Variants in ZNF813 observed in about 807,000 individuals in gnomAD.
The protein encoded by ZNF813 is zinc finger protein 813.
A neutral mutation model predicts 7.2 loss-of-function variants in ZNF813; 3 were observed. The ratio of observed to expected loss-of-function variants is 0.42; its 90% confidence interval spans 0.19 to 1.08. The LOEUF (loss-of-function observed/expected upper bound fraction) is 1.08. Ranked by LOEUF, ZNF813 falls within the 50% of genes least tolerant of loss-of-function variation. The pLI is 0.30. For missense variants in ZNF813, 714 were observed against 753.3 expected (o/e 0.95, Z 0.61); for synonymous variants, 227 against 256.3 (o/e 0.89, Z 1.09).
chr19:53,478,913 G>A (rs1001189766), intron 1 of ZNF813, among the ~76,000 whole-genome samples: 6 of 148,124 alleles, frequency 4.1e-5, no homozygotes, highest in Non-Finnish European at 7.4e-5. Context: ...TTCAGTTTGA[G>A]ATAAATTGTA....
intron 3 of ZNF813, 86 bp from the exon 4 acceptor site, chr19:53,490,289 A>T: frequency 7.4e-7 from 1 of 1,354,638 alleles, no homozygotes; most frequent in Non-Finnish European, 9.7e-7. Context: ...GTTTAAAATG[A>T]GTATTTTTTG....
At position 53,490,951 on chromosome 19, in the gene ZNF813, A is replaced by G. The variant is rs1163155092; in HGVS notation, c.719A>G (p.Glu240Gly). 1 of 1,614,202 alleles carries G rather than the reference A, an allele frequency of 6.2e-7. No homozygotes were observed. The highest frequency in any genetic ancestry group is 1.1e-5 in the South Asian group (1 of 91,078). ...AAACATCAAATAATCCATTTAGGAG[A>G]GAAACAATATAAATGTGATGTATGT... is the stretch of plus-strand genomic sequence containing the variant. ...LRKHQIIHLGEKQYKCDVCGK... is the reference protein window; with the variant it reads ...LRKHQIIHLGGKQYKCDVCGK... Residue 240 changes from glutamate (E) to glycine (G), a missense_variant, in exon 4 of 4, where the codon GAG becomes GGG. Coordinates refer to ENST00000396403, the MANE Select transcript of ZNF813 (RefSeq NM_001004301.4).
rs2708837 is a variant in ZNF813, at chr19:53,494,148, G to A, written c.*2062G>A. ...AATAAGTGGCACTTGAGTATCTACA[G>A]TCCTTTTTACATCCTCTTGAATACA... On this transcript the variant is annotated 3_prime_UTR_variant, in exon 4 of 4. Coordinates refer to ENST00000396403, the MANE Select transcript of ZNF813 (RefSeq NM_001004301.4). 0.5 allele frequency: 76,065 copies of A among 152,058 alleles called. 20,153 individuals carry two copies. The highest frequency in any genetic ancestry group is 0.67 in the African/African-American group (27,938 of 41,486). 9.4% of individuals were successfully genotyped at this position (152,058 alleles called of 1,614,324 possible).
At chr19:53,484,060 G>A (rs2086421750) in intron 2 of ZNF813, among the ~76,000 whole-genome samples, 1 of 152,048 alleles carries the variant, frequency 6.6e-6, no homozygotes, top group Admixed American at 6.6e-5. Context: ...CCTGGGAAGG[G>A]CTCACACCCA....
chr19:53,477,317 C>T (rs1004087281), intron 1 of ZNF813, among the ~76,000 whole-genome samples: 10 of 152,096 alleles, frequency 6.6e-5, no homozygotes, highest in African/African-American at 2.2e-4. Context: ...CCTTTCTGAA[C>T]GCTTGCAGAT....
chr19:53,482,712 GTTTTTTTTTTTTTTTTT>G (rs869250512), intron 1 of ZNF813, among the ~76,000 whole-genome samples: 1 of 89,090 alleles, frequency 1.1e-5, no homozygotes, highest in Non-Finnish European at 2.1e-5. Flanking sequence ...AATGCTTTTT[GTTTTTTTTTTTTTTTTT>G]TTTTTTTTTT....
At chr19:53,486,362 G>A (rs987292177) in intron 2 of ZNF813, among the ~76,000 whole-genome samples, 1 of 151,542 alleles carries the variant, frequency 6.6e-6, no homozygotes, top group African/African-American at 2.4e-5. Context: ...CAGGAGAATC[G>A]CTTGATCCTG....
intron 2 of ZNF813, among the ~76,000 whole-genome samples, chr19:53,484,058 G>A (rs923405292): frequency 3.3e-5 from 5 of 152,074 alleles, no homozygotes; most frequent in Admixed American, 2.0e-4. Context: ...GTCCTGGGAA[G>A]GGCTCACACC....
intron 3 of ZNF813, chr19:53,488,315 G>T (rs1217799469): frequency 2.2e-6 from 1 of 445,792 alleles, no homozygotes; most frequent in African/African-American, 2.0e-5. Context: ...GAACCACCGC[G>T]CCCTGCCTGT....
intron 3 of ZNF813, among the ~76,000 whole-genome samples, chr19:53,487,680 C>T (rs1387632283): frequency 2.0e-5 from 3 of 151,962 alleles, no homozygotes; most frequent in Admixed American, 2.0e-4. Flanking sequence ...CATCTGTAAG[C>T]CCTGCTACTC....
At chr19:53,478,697 A>T (rs2086392912) in intron 1 of ZNF813, among the ~76,000 whole-genome samples, 1 of 152,132 alleles carries the variant, frequency 6.6e-6, no homozygotes, top group African/African-American at 2.4e-5. Context: ...AGAATCGCTT[A>T]AACCTGGGAG....
chr19:53,490,327 T>C (rs200005527), intron 3 of ZNF813, 48 bp from the exon 4 acceptor site: 2 of 1,579,954 alleles, frequency 1.3e-6, no homozygotes, highest in Admixed American at 3.7e-5. Flanking sequence ...TCAGTATTAT[T>C]TACCATCTGT....
chr19:53,487,109 A>G (rs1232081983), intron 3 of ZNF813, among the ~76,000 whole-genome samples: 3 of 151,668 alleles, frequency 2.0e-5, no homozygotes, highest in Non-Finnish European at 2.9e-5. Flanking sequence ...CAACCCCCAT[A>G]ACTAATTATT....
At chr19:53,476,944 A>G (rs369104588) in intron 1 of ZNF813, among the ~76,000 whole-genome samples, 16 of 152,172 alleles carry the variant, frequency 1.1e-4, no homozygotes, top group East Asian at 3.9e-4. Context: ...TTACAGGCAT[A>G]AGCCACCGCG....
chr19:53,490,986 T>C lies in ZNF813; in HGVS notation c.754T>C (p.Phe252Leu). The C allele has an allele frequency of 1.2e-6, 2 of 1,614,202 alleles. No individual in the cohort carries two copies. The highest frequency in any genetic ancestry group is 1.7e-6 in the Non-Finnish European group (2 of 1,180,034). The part of the protein sequence containing the change: ...QYKCDVCGKV[F>L]NRKRNLVCHR... Reference sequence around the variant, plus strand: ...TAAATGTGATGTATGTGGCAAGGTCTTTAATCGGAAGCGAAACCTAGTGTG... The same window carrying C: ...TAAATGTGATGTATGTGGCAAGGTCCTTAATCGGAAGCGAAACCTAGTGTG... Residue 252 changes from phenylalanine to leucine, a missense_variant, in exon 4 of 4, where the codon TTT becomes CTT. Phe to Leu is a conservative substitution (Grantham distance 22). Coordinates refer to ENST00000396403, the MANE Select transcript of ZNF813 (RefSeq NM_001004301.4).
In ZNF813 at chr19:53,482,712, GTTTTTTT is replaced by G. The variant is rs869250512; in HGVS notation, c.-73-1017_-73-1011del. 6.3e-4 allele frequency among the ~76,000 whole-genome samples: 56 copies of G among 89,086 alleles called. 1 individual carries two copies. The South Asian group carries it at 0.02, about 31-fold the overall frequency. 58.4% of individuals were successfully genotyped at this position (89,086 alleles called of 152,430 possible). A position where few individuals can be genotyped will look rare whatever the true frequency, so the allele number is the denominator to read the frequency against. ...ATCAATCACATCAGGAATGCTTTTT[GTTTTTTT>G]TTTTTTTTTTTTTTTTTTTTGAGAG... On this transcript the variant is annotated intron_variant, in intron 1 of 3. Transcript: ENST00000396403.
chr19:53,492,545 A>G lies in ZNF813; in HGVS notation c.*459A>G. On this transcript the variant is annotated 3_prime_UTR_variant, in exon 4 of 4. Coordinates refer to ENST00000396403, the MANE Select transcript of ZNF813 (RefSeq NM_001004301.4). ...AATTTATACTGGAGAGAAACCTTAC[A>G]AGTGTAATGAGTCTGGCAAAGCCTT... The G allele has an allele frequency of 1.9e-6, 1 of 530,494 alleles. No homozygotes were observed. Among genetic ancestry groups the G allele is most frequent in the Non-Finnish European group, 3.6e-6 (1 of 277,564 alleles). The allele number at this position is 530,494 out of a possible 1,614,324, so 32.9% of individuals were successfully genotyped here.
intron 1 of ZNF813, among the ~76,000 whole-genome samples, chr19:53,468,219 G>GCCCCCCCCCCCCCCCCCCC (rs34920971): frequency 3.8e-5 from 2 of 52,916 alleles, no homozygotes; most frequent in African/African-American, 1.5e-4. Context: ...GCGCCCTCGC[G>GCCCCCCCCCCCCCCCCCCC]CCCCCCCCCC....
intron 1 of ZNF813, among the ~76,000 whole-genome samples, chr19:53,468,896 A>T (rs532285399): frequency 6.6e-6 from 1 of 151,914 alleles, no homozygotes; most frequent in South Asian, 2.1e-4. Context: ...CCTCCTCAGC[A>T]CAGACTCTTT....
Sources: gnomAD v4.1 joint callset for allele counts (sites outside exome capture counted in the v4.1 genomes callset) on GRCh38, gnomAD v4.1.1 for gene constraint, MANE v1.5 for transcripts, NCBI Gene and HGNC (gene_info 2026-07-23, HGNC 2026-07-21) for gene names.